MSRA: variants seen among roughly 807,000 people sequenced by gnomAD.
MSRA encodes methionine sulfoxide reductase A, also known as mitochondrial peptide methionine sulfoxide reductase.
A neutral mutation model predicts 31.3 loss-of-function variants in MSRA; 54 were observed. The observed-to-expected ratio is 1.73, with a 90% CI of 1.39 to 2.17. The LOEUF is 2.17. Ranked by LOEUF, MSRA falls within the 30% of genes most tolerant of loss-of-function variation. MSRA has a pLI of 0.00. For synonymous variants in MSRA, 169 were observed against 116.5 expected (o/e 1.45, Z -2.90); for missense variants, 507 against 300.9 (o/e 1.69, Z -5.07).
intron 5 of MSRA, among the ~76,000 whole-genome samples, chr8:10,385,568 G>T (rs1388736772): frequency 6.6e-6 from 1 of 152,144 alleles, no homozygotes; most frequent in Non-Finnish European, 1.5e-5. Flanking sequence ...GATCAGGTCT[G>T]TGGTCTTAAA....
intron 1 of MSRA, among the ~76,000 whole-genome samples, chr8:10,100,482 T>G (rs1166697304): frequency 6.6e-6 from 1 of 152,006 alleles, no homozygotes; most frequent in Admixed American, 6.6e-5. Flanking sequence ...CAAAGGTCTG[T>G]GGCCAGGGAG....
intron 1 of MSRA, among the ~76,000 whole-genome samples, chr8:10,119,561 C>G (rs12549943): frequency 0.2 from 30,212 of 152,070 alleles, 4,043 homozygotes; most frequent in East Asian, 0.55. Flanking sequence ...CTTGGGTTAC[C>G]AAGATGATTA....
intron 1 of MSRA, among the ~76,000 whole-genome samples, chr8:10,091,763 C>CA (rs1798869297): frequency 6.6e-6 from 1 of 152,102 alleles, no homozygotes; most frequent in African/African-American, 2.4e-5. Context: ...CGTGCCACCA[C>CA]ACCCCGCTAA....
intron 5 of MSRA, among the ~76,000 whole-genome samples, chr8:10,400,633 G>A (rs1807401546): frequency 6.6e-6 from 1 of 152,154 alleles, no homozygotes; most frequent in East Asian, 1.9e-4. Context: ...AGCCTCTCAG[G>A]GGAGTCTGGT....
chr8:10,104,982 A>T (rs765553937), intron 1 of MSRA, among the ~76,000 whole-genome samples: 12 of 152,332 alleles, frequency 7.9e-5, no homozygotes, highest in Non-Finnish European at 1.6e-4. Context: ...TGTCAATCTC[A>T]TGGGCAAGGA....
chr8:10,246,308 A>T (rs1797620667), intron 3 of MSRA, among the ~76,000 whole-genome samples: 1 of 152,214 alleles, frequency 6.6e-6, no homozygotes, highest in South Asian at 2.1e-4. Context: ...AGATGCCCTC[A>T]TGGCAAATTC....
At chr8:10,212,199 A>T (rs1035897559) in intron 2 of MSRA, among the ~76,000 whole-genome samples, 6 of 151,958 alleles carry the variant, frequency 3.9e-5, no homozygotes, top group African/African-American at 1.5e-4. Context: ...AAAAAAAAAA[A>T]TTTAAACTTT....
intron 5 of MSRA, chr8:10,411,670 C>A (rs898336619): frequency 6.6e-6 from 1 of 152,166 alleles, no homozygotes; most frequent in Non-Finnish European, 1.5e-5. Context: ...CTTTTAATTT[C>A]TTAATATTGA....
At position 10,173,627 on chromosome 8, in the gene MSRA, A is replaced by T. The variant is rs537044346; in HGVS notation, c.143-34206A>T. Among the ~76,000 whole-genome samples the T allele has an allele frequency of 2.0e-5, 3 of 152,320 alleles. No homozygotes were observed. In the South Asian group the frequency reaches 6.2e-4, roughly 32 times the overall value. On this transcript the variant is annotated intron_variant, in intron 1 of 5. Transcript: ENST00000317173. The stretch of plus-strand genomic sequence containing the variant: ...TCAGCACTCCTTGGGCCCCATGCCC[A>T]GGAATCTTTCCGCTTGTCTCTTTTC...
chr8:10,363,494 C>T (rs1262931185), intron 5 of MSRA, among the ~76,000 whole-genome samples: 1 of 152,134 alleles, frequency 6.6e-6, no homozygotes, highest in Non-Finnish European at 1.5e-5. Flanking sequence ...CATATCTTCC[C>T]TCCAGGCCCT....
intron 1 of MSRA, among the ~76,000 whole-genome samples, chr8:10,069,023 T>A (rs978850904): frequency 6.6e-6 from 1 of 152,256 alleles, no homozygotes; most frequent in African/African-American, 2.4e-5. Flanking sequence ...TATTTCGTGT[T>A]TTTTTGATGT....
intron 5 of MSRA, among the ~76,000 whole-genome samples, chr8:10,406,742 A>G (rs925503930): frequency 2.0e-5 from 3 of 152,220 alleles, no homozygotes; most frequent in Non-Finnish European, 2.9e-5. Context: ...ATTTCTCCAA[A>G]AAGTGCAATT....
At chr8:10,063,561 C>CA (rs1797316427) in intron 1 of MSRA, among the ~76,000 whole-genome samples, 1 of 152,076 alleles carries the variant, frequency 6.6e-6, no homozygotes. Context: ...CCTCACCCCC[C>CA]CAGGTGATGG....
chr8:10,160,457 C>T (rs993470013), intron 1 of MSRA, among the ~76,000 whole-genome samples: 8 of 151,328 alleles, frequency 5.3e-5, no homozygotes, highest in Non-Finnish European at 8.8e-5. Flanking sequence ...ATGGTGCCAC[C>T]GCACTCTAGC....
At chr8:10,294,768 G>C (rs1001591781) in intron 3 of MSRA, among the ~76,000 whole-genome samples, 1 of 152,074 alleles carries the variant, frequency 6.6e-6, no homozygotes, top group Non-Finnish European at 1.5e-5. Context: ...CACTCAGCTG[G>C]GCTGTTTTCT....
chr8:10,214,258 C>G (rs977825249), intron 2 of MSRA, among the ~76,000 whole-genome samples: 1 of 152,120 alleles, frequency 6.6e-6, no homozygotes, highest in Admixed American at 6.6e-5. Flanking sequence ...AGCAGGGGCC[C>G]GTGGCTGACA....
intron 1 of MSRA, among the ~76,000 whole-genome samples, chr8:10,088,717 C>T (rs1258411272): frequency 1.3e-5 from 2 of 151,642 alleles, no homozygotes; most frequent in Non-Finnish European, 2.9e-5. Context: ...GCCTGGGCAC[C>T]AGAGTGAGAC....
At chr8:10,163,162 C>G (rs1046506011) in intron 1 of MSRA, among the ~76,000 whole-genome samples, 1 of 152,200 alleles carries the variant, frequency 6.6e-6, no homozygotes, top group South Asian at 2.1e-4. Context: ...CCTGACCATG[C>G]TGGCACCTTG....
chr8:10,227,962 A>G (rs187765403), intron 2 of MSRA, among the ~76,000 whole-genome samples: 1 of 152,284 alleles, frequency 6.6e-6, no homozygotes, highest in East Asian at 1.9e-4. Context: ...TTTGCCACGT[A>G]TTCATCTTCC....
Sources: gnomAD v4.1 joint callset for allele counts (sites outside exome capture counted in the v4.1 genomes callset) on GRCh38, gnomAD v4.1.1 for gene constraint, MANE v1.5 for transcripts, NCBI Gene and HGNC (gene_info 2026-07-23, HGNC 2026-07-21) for gene names.